MBNL2: variants seen among roughly 807,000 people sequenced by gnomAD.
MBNL2 encodes muscleblind-like protein 2.
A neutral mutation model predicts 41.9 loss-of-function variants in MBNL2; 17 were observed. The ratio of observed to expected loss-of-function variants is 0.41; its 90% CI spans 0.28 to 0.61. The LOEUF (loss-of-function observed/expected upper bound fraction) is 0.61, where lower values mean the gene tolerates loss of function less well. MBNL2 is among the 20% of genes least tolerant of loss of function. The pLI is 0.35. For synonymous variants in MBNL2, 195 were observed against 182.9 expected (o/e 1.07, Z -0.53); for missense variants, 336 against 505.6 (o/e 0.66, Z 3.22).
chr13:97,373,477 A>AAAC (rs2064604235), intron 8 of MBNL2, among the ~76,000 whole-genome samples: 1 of 150,780 alleles, frequency 6.6e-6, no homozygotes, highest in African/African-American at 2.5e-5. Flanking sequence ...AAAAAAAAAA[A>AAAC]ACTATAAAAA....
chr13:97,260,676 G>A (rs868146353), intron 1 of MBNL2, among the ~76,000 whole-genome samples: 1 of 152,234 alleles, frequency 6.6e-6, no homozygotes, highest in Middle Eastern at 3.4e-3. Context: ...GAACACAAAT[G>A]TCACTGTCTA....
At chr13:97,384,657 G>T (rs4771271) in intron 8 of MBNL2, among the ~76,000 whole-genome samples, 1 of 152,194 alleles carries the variant, frequency 6.6e-6, no homozygotes, top group Admixed American at 6.5e-5. Context: ...CTGGGAGGGT[G>T]AGCAACGTGC....
chr13:97,347,252 C>G (rs1024973231), intron 5 of MBNL2, among the ~76,000 whole-genome samples, 185 bp downstream of exon 5: 1 of 152,214 alleles, frequency 6.6e-6, no homozygotes, highest in Admixed American at 6.5e-5. Context: ...CTCCTGCCCC[C>G]CTTCAGCACA....
At chr13:97,180,850 C>T in the MBNL2 span, among the ~76,000 whole-genome samples, 1 of 151,446 alleles carries the variant, frequency 6.6e-6, no homozygotes, top group Non-Finnish European at 1.5e-5. Context: ...TTAAACAACA[C>T]AGATCTATTA....
intron 5 of MBNL2, among the ~76,000 whole-genome samples, chr13:97,351,799 G>C (rs934553458): frequency 2.0e-5 from 3 of 152,104 alleles, no homozygotes; most frequent in African/African-American, 7.2e-5. Flanking sequence ...AGAGGTGGGT[G>C]GATCACTGGA....
At chr13:97,368,176 G>A (rs374239462) in intron 8 of MBNL2, among the ~76,000 whole-genome samples, 17 of 152,260 alleles carry the variant, frequency 1.1e-4, no homozygotes, top group African/African-American at 3.9e-4. Flanking sequence ...TTGGGAAGCC[G>A]AGGGAGGAGC....
chr13:97,180,001 A>C, the MBNL2 span, among the ~76,000 whole-genome samples: 1 of 152,258 alleles, frequency 6.6e-6, no homozygotes, highest in Admixed American at 6.5e-5. Flanking sequence ...TTTTCATAAA[A>C]AAATGAGTTT....
chr13:97,358,849 T>C (rs2063185463), intron 7 of MBNL2, among the ~76,000 whole-genome samples: 3 of 152,236 alleles, frequency 2.0e-5, no homozygotes, highest in Non-Finnish European at 4.4e-5. Context: ...TTAAATCCCA[T>C]AGCTTATCAG....
At chr13:97,231,006 A>T (rs140449690) in intron 1 of MBNL2, among the ~76,000 whole-genome samples, 1 of 152,196 alleles carries the variant, frequency 6.6e-6, no homozygotes, top group Non-Finnish European at 1.5e-5. Flanking sequence ...CTCAAAATGT[A>T]TATATTTTGG....
rs575657056 is a variant in MBNL2 at position 97,391,707 on chromosome 13, C to T, written c.*258C>T. On this transcript the variant is annotated 3_prime_UTR_variant, in exon 9 of 9. Transcript: ENST00000679496. ...GAAAGTCCAGCCAGTTTACTCATTT[C>T]GATTCAGAATATTTCAAATTTAGCA... 9.1e-5 allele frequency: 31 copies of T among 341,896 alleles called. No homozygotes were observed. In the South Asian group the frequency reaches 1.7e-3, roughly 19 times the overall value. 21.2% of individuals were successfully genotyped at this position (341,896 alleles called of 1,614,324 possible).
Position 97,235,600 on chromosome 13 carries a change from T to C in MBNL2, c.-605+13069T>C, listed in dbSNP as rs537985636. ...ATTTTTATTTGATGTTCTGATCTCTTCCTTCCAGTTTGATAAATTAGTGTA... is the reference window on the plus strand; with the variant it reads ...ATTTTTATTTGATGTTCTGATCTCTCCCTTCCAGTTTGATAAATTAGTGTA... On this transcript the variant is annotated intron_variant, in intron 1 of 8. Transcript: ENST00000679496. Among the ~76,000 whole-genome samples the C allele has an allele frequency of 2.0e-5, 3 of 152,340 alleles. No homozygotes were observed. In the South Asian group the frequency reaches 6.2e-4, roughly 32 times the overall value.
At chr13:97,219,783 G>GA (rs2040703815), upstream of MBNL2, among the ~76,000 whole-genome samples, 1 of 152,192 alleles carries the variant, frequency 6.6e-6, no homozygotes, top group African/African-American at 2.4e-5. Flanking sequence ...AAGGAGTGTG[G>GA]AAAAATTAGA....
intron 5 of MBNL2, among the ~76,000 whole-genome samples, chr13:97,349,814 G>A (rs774193414): frequency 5.9e-5 from 9 of 152,142 alleles, no homozygotes; most frequent in Non-Finnish European, 1.0e-4. Flanking sequence ...CATTCTCTAA[G>A]GTCAGCTTCT....
chr13:97,159,225 G>T, the MBNL2 span, among the ~76,000 whole-genome samples: 6 of 151,358 alleles, frequency 4.0e-5, no homozygotes, highest in Admixed American at 1.3e-4. Flanking sequence ...CAACCCCTGC[G>T]TTTTTTTGTT....
chr13:97,385,525 T>C (rs534184225), intron 8 of MBNL2, among the ~76,000 whole-genome samples: 1 of 152,342 alleles, frequency 6.6e-6, no homozygotes, highest in African/African-American at 2.4e-5. Context: ...GCATTTTCAC[T>C]GGAATGTTTT....
At chr13:97,288,749 TTCTC>T (rs1259559220) in intron 2 of MBNL2, among the ~76,000 whole-genome samples, 1 of 152,170 alleles carries the variant, frequency 6.6e-6, no homozygotes, top group Non-Finnish European at 1.5e-5. Context: ...ATATTAGTCT[TTCTC>T]AGCACCATCA....
rs181034956 is a variant in MBNL2 at position 97,348,724 on chromosome 13, A to G, written c.804+1657A>G. ...CAGTCCTCCCTCAAGAAGGAGAGCTATGACTGCAGAGATGAAAAGTACAGT... is the reference window on the plus strand; with the variant it reads ...CAGTCCTCCCTCAAGAAGGAGAGCTGTGACTGCAGAGATGAAAAGTACAGT... On this transcript the variant is annotated intron_variant, in intron 5 of 8. Coordinates refer to ENST00000679496, the MANE Select transcript of MBNL2 (RefSeq NM_001382683.1). Among the ~76,000 whole-genome samples the G allele has an allele frequency of 9.8e-4, 150 of 152,338 alleles. 1 individual carries two copies. Among genetic ancestry groups the G allele is most frequent in the Admixed American group, 2.3e-3 (35 of 15,306 alleles).
At chr13:97,204,710 G>A in the MBNL2 span, among the ~76,000 whole-genome samples, 13 of 152,110 alleles carry the variant, frequency 8.5e-5, no homozygotes, top group Non-Finnish European at 1.6e-4. Flanking sequence ...AGTGGGTTGC[G>A]GCCCAATCCA....
chr13:97,360,530 T>C (rs2063312141), intron 7 of MBNL2, among the ~76,000 whole-genome samples: 3 of 152,228 alleles, frequency 2.0e-5, no homozygotes. Flanking sequence ...ATAATAATTC[T>C]TGGCATTTCT....
Sources: gnomAD v4.1 joint callset for allele counts (sites outside exome capture counted in the v4.1 genomes callset) on GRCh38, gnomAD v4.1.1 for gene constraint, MANE v1.5 for transcripts, NCBI Gene and HGNC (gene_info 2026-07-23, HGNC 2026-07-21) for gene names.